Variants in ADAMTSL3 observed in about 807,000 individuals in gnomAD.
ADAMTSL3 encodes the protein ADAMTS-like protein 3.
Under a neutral mutation model 201.7 loss-of-function variants are expected in ADAMTSL3, and 128 were observed. The observed-to-expected ratio is 0.63, with a 90% CI of 0.55 to 0.73. The LOEUF is 0.73. ADAMTSL3 is among the 30% of genes least tolerant of loss of function. ADAMTSL3 has a pLI of 0.00. For synonymous variants in ADAMTSL3, 738 were observed against 748.4 expected, an observed-to-expected ratio of 0.99 and a Z score of 0.23; for missense variants, 1,990 against 2,119.6, an observed-to-expected ratio of 0.94 and a Z score of 1.20.
intron 3 of ADAMTSL3, among the ~76,000 whole-genome samples, chr15:83,710,888 A>C (rs893822760): frequency 6.6e-6 from 1 of 152,194 alleles, no homozygotes; most frequent in Non-Finnish European, 1.5e-5. Context: ...CTTGTCCAAG[A>C]TCACACAGCC....
At chr15:83,712,440 G>A (rs534867115) in intron 3 of ADAMTSL3, among the ~76,000 whole-genome samples, 4 of 152,276 alleles carry the variant, frequency 2.6e-5, no homozygotes, top group Admixed American at 6.5e-5. Flanking sequence ...CGGCTAAGGT[G>A]GGGGGTTGAC....
intron 15 of ADAMTSL3, among the ~76,000 whole-genome samples, chr15:83,911,270 G>A (rs11259931): frequency 0.64 from 96,532 of 152,018 alleles, 31,927 homozygotes; most frequent in African/African-American, 0.81. Flanking sequence ...CATGTACTAC[G>A]ATCTCTTTTT....
chr15:84,009,971 T>A lies in ADAMTSL3; in HGVS notation c.3974-4571T>A, dbSNP rs372919368. On this transcript the variant is annotated intron_variant, in intron 23 of 29. Coordinates refer to ENST00000286744, the MANE Select transcript of ADAMTSL3 (RefSeq NM_207517.3). ...CCAATGTATCTGAGATTGTTTAGGG[T>A]CTTTCACTGTAAGAGGCTTTATGTC... 1.6e-4 allele frequency among the ~76,000 whole-genome samples: 25 copies of A among 152,198 alleles called. No homozygotes were observed. In the East Asian group the frequency reaches 2.5e-3, roughly 15 times the overall value.
In ADAMTSL3 at chr15:83,972,067, G is replaced by A. The variant is rs574002354; in HGVS notation, c.2644+1430G>A. ...AATTACTATGTGGAGTTCTTTGCAT[G>A]CATTATCTCATTTAGTCCCCTGAAC... On this transcript the variant is annotated intron_variant, in intron 20 of 29. Coordinates refer to ENST00000286744, the MANE Select transcript of ADAMTSL3 (RefSeq NM_207517.3). 7.9e-5 allele frequency among the ~76,000 whole-genome samples: 12 copies of A among 152,066 alleles called. No homozygotes were observed. The South Asian group carries it at 2.5e-3, about 32-fold the overall frequency.
chr15:83,990,945 G>C (rs2067571155), intron 22 of ADAMTSL3, 141 bp from the exon 23 acceptor site: 5 of 1,179,824 alleles, frequency 4.2e-6, no homozygotes, highest in East Asian at 2.4e-5. Flanking sequence ...ACATCCCCAC[G>C]GTGCACCTTG....
Position 83,687,688 on chromosome 15 carries a change from A to G in ADAMTSL3, c.70-16701A>G, listed in dbSNP as rs560197793. ...ACATATGATTTCAAAATATCCTTCA[A>G]TATTACTTCTTAGATTGTGTATGTG... On this transcript the variant is annotated intron_variant, in intron 2 of 29. Transcript: ENST00000286744. Among the ~76,000 whole-genome samples, 7 of 152,306 alleles carry G rather than the reference A, an allele frequency of 4.6e-5. No homozygotes were observed. The South Asian group carries it at 1.2e-3, about 27-fold the overall frequency.
intron 16 of ADAMTSL3, among the ~76,000 whole-genome samples, chr15:83,917,045 A>T (rs1167864573): frequency 6.6e-6 from 1 of 152,214 alleles, no homozygotes; most frequent in Admixed American, 6.5e-5. Context: ...TGAGTTATGA[A>T]TGTGGGCTTT....
chr15:83,737,561 C>T (rs2062387984), intron 3 of ADAMTSL3, among the ~76,000 whole-genome samples: 2 of 152,212 alleles, frequency 1.3e-5, no homozygotes, highest in Admixed American at 6.5e-5. Context: ...CTGAGACCTC[C>T]TCAGCCATGC....
At chr15:83,839,358 C>G (rs961418555) in intron 7 of ADAMTSL3, among the ~76,000 whole-genome samples, 2 of 152,016 alleles carry the variant, frequency 1.3e-5, no homozygotes, top group Non-Finnish European at 2.9e-5. Context: ...TTGAGGAACT[C>G]CTAATATGTT....
At chr15:83,692,501 C>T (rs1309558084) in intron 2 of ADAMTSL3, among the ~76,000 whole-genome samples, 2 of 151,592 alleles carry the variant, frequency 1.3e-5, no homozygotes, top group Non-Finnish European at 2.9e-5. Flanking sequence ...CTGGCTAACA[C>T]CGTGAAACCC....
At chr15:83,819,736 TG>T in intron 5 of ADAMTSL3, 74 bp from the exon 6 acceptor site, 1 of 1,187,914 alleles carries the variant, frequency 8.4e-7, no homozygotes, top group Non-Finnish European at 1.2e-6. Flanking sequence ...CATGAGATTC[TG>T]GTGAACTTAT....
In ADAMTSL3 at chr15:83,654,463, G is replaced by T. The variant is rs2061048640; in HGVS notation, c.-34+187G>T. Among the ~76,000 whole-genome samples the T allele has an allele frequency of 6.6e-6, 1 of 152,098 alleles. No homozygotes were observed. On this transcript the variant is annotated intron_variant, in intron 1 of 29. Transcript: ENST00000286744. This position sits in a 1 kb window ranked among gnomAD's most constrained non-coding sequence, Gnocchi z 5.3. ...GTGCTCCTCACTGCTGGGCACCTCG[G>T]GTCGGGCGCGCTTCGTGCCGTCCCG...
At chr15:83,761,609 A>G (rs1190739533) in intron 3 of ADAMTSL3, among the ~76,000 whole-genome samples, 1 of 152,190 alleles carries the variant, frequency 6.6e-6, no homozygotes, top group Non-Finnish European at 1.5e-5. Flanking sequence ...CCTCTCCATC[A>G]GACTTTTAAA....
chr15:83,739,862 GA>G, intron 3 of ADAMTSL3: 2 of 601,148 alleles, frequency 3.3e-6, no homozygotes, highest in South Asian at 2.8e-5. Flanking sequence ...CTACTGCCTG[GA>G]ACACAGCATC....
At chr15:83,990,113 C>T (rs2067556399) in intron 22 of ADAMTSL3, among the ~76,000 whole-genome samples, 1 of 152,194 alleles carries the variant, frequency 6.6e-6, no homozygotes, top group South Asian at 2.1e-4. Context: ...GGTGAGGGAA[C>T]TGCAGTTGGA....
chr15:83,982,741 A>G lies in ADAMTSL3; in HGVS notation c.3113A>G (p.Asn1038Ser), dbSNP rs1480909651. The G allele has an allele frequency of 6.2e-7, 1 of 1,613,998 alleles. No individual in the cohort carries two copies. The highest frequency in any genetic ancestry group is 1.3e-5 in the African/African-American group (1 of 74,942). ...TGGCACAAAATGAGGCAAATGTGGAATAACAAAAATGACCTTTATCTGGAT... is the reference window on the plus strand; with the variant it reads ...TGGCACAAAATGAGGCAAATGTGGAGTAACAAAAATGACCTTTATCTGGAT... ...VTWHKMRQMW[N>S]NKNDLYLDDD... Residue 1038 changes from asparagine (N) to serine (S), a missense_variant, in exon 21 of 30, where the codon AAT becomes AGT. Coordinates refer to ENST00000286744, the MANE Select transcript of ADAMTSL3 (RefSeq NM_207517.3).
intron 4 of ADAMTSL3, among the ~76,000 whole-genome samples, chr15:83,782,345 C>T (rs776848647): frequency 7.9e-5 from 12 of 151,890 alleles, no homozygotes; most frequent in South Asian, 2.1e-4. Flanking sequence ...GGCATGGTGA[C>T]GGGTGCCTGT....
At chr15:83,998,063 G>A (rs960984369) in intron 23 of ADAMTSL3, among the ~76,000 whole-genome samples, 3 of 151,844 alleles carry the variant, frequency 2.0e-5, no homozygotes, top group African/African-American at 7.2e-5. Context: ...CTCAAAATAC[G>A]TAGACACAAT....
At chr15:84,012,966 A>C (rs1030923867) in intron 23 of ADAMTSL3, among the ~76,000 whole-genome samples, 6 of 152,216 alleles carry the variant, frequency 3.9e-5, no homozygotes, top group Non-Finnish European at 8.8e-5. Context: ...AATGAAAACA[A>C]AGCCTCACCC....
Sources: allele counts gnomAD v4.1 joint callset (sites outside exome capture counted in the v4.1 genomes callset), GRCh38; gene constraint gnomAD v4.1.1; non-coding constraint Gnocchi (gnomAD v3.1); transcripts MANE v1.5; gene names NCBI Gene and HGNC (gene_info 2026-07-23, HGNC 2026-07-21).